ROS1: variants seen among roughly 807,000 people sequenced by gnomAD.
ROS1 encodes the protein proto-oncogene tyrosine-protein kinase ROS.
ROS1 carries 263 observed loss-of-function variants against 273.5 expected under a neutral mutation model. The observed-to-expected ratio is 0.96, with a 90% CI of 0.87 to 1.06. ROS1 has a LOEUF of 1.06. Ranked by LOEUF, ROS1 falls within the 50% of genes least tolerant of loss-of-function variation. The probability of loss-of-function intolerance (pLI) is 0.00; values close to 1 mark genes in which losing one functional copy is unlikely to be tolerated. For synonymous variants in ROS1, 1,008 were observed against 954.1 expected (o/e 1.06, Z -1.04); for missense variants, 2,833 against 2,751.1 (o/e 1.03, Z -0.67).
intron 18 of ROS1, among the ~76,000 whole-genome samples, chr6:117,368,845 A>G (rs1321804): frequency 0.99 from 151,149 of 152,210 alleles, 75,049 homozygotes; most frequent in East Asian, 1. Context: ...ATACAAACAG[A>G]ACGTCCAAGA....
intron 27 of ROS1, among the ~76,000 whole-genome samples, chr6:117,348,631 CTTA>C (rs906532767): frequency 2.5e-4 from 38 of 151,342 alleles, no homozygotes; most frequent in African/African-American, 8.9e-4. Context: ...AGTTTTGTTT[CTTA>C]TTATTATTTG....
chr6:117,424,744 C>T (rs1776014156), intron 1 of ROS1, among the ~76,000 whole-genome samples: 2 of 152,026 alleles, frequency 1.3e-5, no homozygotes, highest in African/African-American at 4.8e-5. Context: ...AATTCTATCT[C>T]CAATACTTTA....
In ROS1 at chr6:117,320,024, A is replaced by G. The variant is rs1427980061; in HGVS notation, c.5766T>C (p.Leu1922=). 1.2e-6 allele frequency: 2 copies of G among 1,612,986 alleles called. No homozygotes were observed. Residue 1922 remains leucine, a synonymous_variant, in exon 37 of 44, where the codon CTT becomes CTC. Coordinates refer to ENST00000368507, the MANE Select transcript of ROS1 (RefSeq NM_001378902.1). ...LANACYAIHT[L]PTQEEIENLP... is the part of the protein sequence containing the mutation. ...GATTTTCAATCTCCTCTTGGGTTGG[A>G]AGAGTACTGTAAAATAGCAACATTT...
chr6:117,390,799 A>C (rs1773007459), intron 12 of ROS1, among the ~76,000 whole-genome samples: 1 of 152,230 alleles, frequency 6.6e-6, no homozygotes, highest in African/African-American at 2.4e-5. Context: ...GAAGAATTAG[A>C]GAAGCACATC....
chr6:117,308,173 A>G (rs1331912867), intron 42 of ROS1, among the ~76,000 whole-genome samples: 1 of 152,036 alleles, frequency 6.6e-6, no homozygotes, highest in East Asian at 1.9e-4. Context: ...CAGAATAAAA[A>G]CCTTTTTCCT....
chr6:117,384,067 T>A (rs939922428), intron 16 of ROS1, among the ~76,000 whole-genome samples: 1 of 152,210 alleles, frequency 6.6e-6, no homozygotes, highest in Non-Finnish European at 1.5e-5. Flanking sequence ...TGTCCTGGAG[T>A]TAAACACTTT....
At chr6:117,291,604 C>G (rs1773843243) in intron 43 of ROS1, among the ~76,000 whole-genome samples, 1 of 152,128 alleles carries the variant, frequency 6.6e-6, no homozygotes, top group African/African-American at 2.4e-5. Context: ...TGATTATGAG[C>G]AAGTCACTAA....
At chr6:117,298,755 A>C (rs1774448202) in intron 43 of ROS1, among the ~76,000 whole-genome samples, 1 of 152,234 alleles carries the variant, frequency 6.6e-6, no homozygotes. Context: ...TTCCAAGAGA[A>C]AGAAATACTC....
chr6:117,363,811 T>C (rs80084464), intron 21 of ROS1, among the ~76,000 whole-genome samples: 1,808 of 152,258 alleles, frequency 0.012, 42 homozygotes, highest in African/African-American at 0.041. Flanking sequence ...TCTATTATCA[T>C]TTGCTGTGCA....
chr6:117,362,463 A>G lies in ROS1; in HGVS notation c.3366+140T>C, dbSNP rs900685803. ...TTACCTCCATTAATTTTCTCACATA[A>G]TTTTAAAAAACTATAGTGGCCAATC... On this transcript the variant is annotated intron_variant, in intron 22 of 43. Coordinates refer to ENST00000368507, the MANE Select transcript of ROS1 (RefSeq NM_001378902.1). 7.3e-6 allele frequency: 5 copies of G among 686,018 alleles called. No homozygotes were observed. In the African/African-American group the frequency reaches 9.2e-5, roughly 13 times the overall value. The allele number at this position is 686,018 out of a possible 1,614,324, so 42.5% of individuals were successfully genotyped here. A position where few individuals can be genotyped will look rare whatever the true frequency, so the allele number is the denominator to read the frequency against.
intron 33 of ROS1, among the ~76,000 whole-genome samples, chr6:117,326,664 G>A (rs1269316346): frequency 2.0e-5 from 3 of 151,936 alleles, no homozygotes; most frequent in Non-Finnish European, 2.9e-5. Context: ...TGAAGAGAGA[G>A]CTGAGTACCT....
intron 4 of ROS1, among the ~76,000 whole-genome samples, chr6:117,413,268 A>C (rs1372426572): frequency 3.3e-5 from 5 of 152,290 alleles, no homozygotes; most frequent in Admixed American, 1.3e-4. Flanking sequence ...TAGGTTTTAA[A>C]GTTTTTTTTC....
chr6:117,350,704 T>TA (rs35081118), intron 27 of ROS1, among the ~76,000 whole-genome samples: 12 of 147,098 alleles, frequency 8.2e-5, no homozygotes, highest in Admixed American at 1.4e-4. Context: ...TTTTTTTTTT[T>TA]ACCTTTATAG....
chr6:117,296,262 G>A (rs536687597), intron 43 of ROS1, among the ~76,000 whole-genome samples: 12 of 152,148 alleles, frequency 7.9e-5, no homozygotes, highest in South Asian at 2.1e-4. Flanking sequence ...TTAGCCAGGC[G>A]TGGTGGCACG....
At chr6:117,360,855 CA>C (rs1372927593) in intron 22 of ROS1, among the ~76,000 whole-genome samples, 2 of 151,950 alleles carry the variant, frequency 1.3e-5, no homozygotes, top group Non-Finnish European at 2.9e-5. Flanking sequence ...GAACATTTAA[CA>C]GAAATAAAAC....
Position 117,362,180 on chromosome 6 carries a change from GAA to G in ROS1, c.3366+421_3366+422del, listed in dbSNP as rs1448179072. On this transcript the variant is annotated intron_variant, in intron 22 of 43. Transcript: ENST00000368507. ...AGTTCCCTGAATGTGAGAAAGTTGTGAAAGTGTCCTTCACCCAAGCAATCCCC... is the reference window on the plus strand; with the variant it reads ...AGTTCCCTGAATGTGAGAAAGTTGTGAGTGTCCTTCACCCAAGCAATCCCC... Among the ~76,000 whole-genome samples, 8 of 152,176 alleles carry G rather than the reference GAA, an allele frequency of 5.3e-5. No homozygotes were observed. In the East Asian group the frequency reaches 1.4e-3, roughly 26 times the overall value.
intron 27 of ROS1, among the ~76,000 whole-genome samples, chr6:117,348,168 T>C (rs755203828): frequency 8.5e-5 from 13 of 152,166 alleles, no homozygotes; most frequent in South Asian, 2.1e-4. Context: ...GGTATAATTT[T>C]CCCATAAATG....
At position 117,330,077 on chromosome 6, in the gene ROS1, C is replaced by T. The variant is rs115203493; in HGVS notation, c.5231-631G>A. On this transcript the variant is annotated intron_variant, in intron 32 of 43. Coordinates refer to ENST00000368507, the MANE Select transcript of ROS1 (RefSeq NM_001378902.1). ...TGCCTAACACGCTAATCTCCCTGGG[C>T]GGCGGGGAGAAATGCAGCATCCATT... is the stretch of plus-strand genomic sequence containing the variant. Among the ~76,000 whole-genome samples the T allele has an allele frequency of 5.2e-3, 795 of 152,284 alleles. 5 individuals carry two copies. Among genetic ancestry groups the T allele is most frequent in the African/African-American group, 0.018 (744 of 41,552 alleles).
At chr6:117,328,481 T>A (rs1776807635) in intron 33 of ROS1, 1 of 317,578 alleles carries the variant, frequency 3.1e-6, no homozygotes, top group Non-Finnish European at 6.0e-6. Flanking sequence ...TTCAAGGAGG[T>A]TTCAATTAGA....
Sources: gnomAD v4.1 joint callset for allele counts (sites outside exome capture counted in the v4.1 genomes callset) on GRCh38, gnomAD v4.1.1 for gene constraint, MANE v1.5 for transcripts, NCBI Gene and HGNC (gene_info 2026-07-23, HGNC 2026-07-21) for gene names.